Variants in CCDC178 observed in about 807,000 individuals in gnomAD.
The protein encoded by CCDC178 is coiled-coil domain containing 178.
A neutral mutation model predicts 117.4 loss-of-function variants in CCDC178; 126 were observed. That is an observed-to-expected ratio of 1.07 (90% CI 0.93 to 1.24). The LOEUF (loss-of-function observed/expected upper bound fraction) is 1.24, where lower values mean the gene tolerates loss of function less well. Ranked by LOEUF, CCDC178 falls within the 50% of genes most tolerant of loss-of-function variation. The probability of loss-of-function intolerance (pLI) is 0.00; values close to 1 mark genes in which losing one functional copy is unlikely to be tolerated. For missense variants in CCDC178, 1,030 were observed against 986.9 expected (o/e 1.04, Z -0.59); for synonymous variants, 283 against 313.4 (o/e 0.90, Z 1.02).
intron 20 of CCDC178, among the ~76,000 whole-genome samples, chr18:33,138,359 T>C (rs1218294746): frequency 5.9e-5 from 9 of 152,182 alleles, no homozygotes; most frequent in African/African-American, 1.9e-4. Flanking sequence ...CAGGTATTAC[T>C]ATTATAGCTT....
rs541642223 is a variant in CCDC178 at position 33,198,914 on chromosome 18, G to A, written c.2238+12982C>T. 2.0e-5 allele frequency among the ~76,000 whole-genome samples: 3 copies of A among 152,206 alleles called. No individual in the cohort carries two copies. The South Asian group carries it at 6.2e-4, about 32-fold the overall frequency. ...TCTGTCTCCTCTGTAAGGCTAATAT[G>A]CTTCTCAGAGTTAAGGGATGTGCTT... On this transcript the variant is annotated intron_variant, in intron 20 of 22. Transcript: ENST00000383096.
At chr18:33,225,454 A>G (rs2059291907) in intron 16 of CCDC178, among the ~76,000 whole-genome samples, 1 of 152,110 alleles carries the variant, frequency 6.6e-6, no homozygotes, top group Non-Finnish European at 1.5e-5. Context: ...GCCACCACAC[A>G]CTGCCGAATG....
chr18:33,360,372 G>T (rs2063109139), intron 6 of CCDC178, among the ~76,000 whole-genome samples: 1 of 151,192 alleles, frequency 6.6e-6, no homozygotes, highest in Admixed American at 6.6e-5. Context: ...CAGATGGACA[G>T]ATACCAATCG....
chr18:33,381,522 T>C (rs928285730), intron 5 of CCDC178, among the ~76,000 whole-genome samples: 37 of 152,258 alleles, frequency 2.4e-4, no homozygotes, highest in African/African-American at 7.7e-4. Flanking sequence ...CCCTATGCTA[T>C]AGACAGATAC....
intron 21 of CCDC178, among the ~76,000 whole-genome samples, chr18:33,070,874 A>C (rs1434547037): frequency 2.0e-5 from 3 of 152,142 alleles, no homozygotes; most frequent in Non-Finnish European, 4.4e-5. Context: ...AATTTAAATT[A>C]ATTTGATTAA....
At chr18:33,326,746 G>A (rs960362592) in intron 10 of CCDC178, among the ~76,000 whole-genome samples, 6 of 151,466 alleles carry the variant, frequency 4.0e-5, no homozygotes, top group African/African-American at 9.7e-5. Flanking sequence ...ATACCTTCTC[G>A]GTGGTTACAG....
chr18:33,139,231 C>T (rs993327770), intron 20 of CCDC178, among the ~76,000 whole-genome samples: 2 of 152,128 alleles, frequency 1.3e-5, no homozygotes, highest in African/African-American at 4.8e-5. Flanking sequence ...CTTTTGCTTC[C>T]CAGTCTCTAG....
rs770996236 is a variant in CCDC178, at chr18:33,245,360, T to G, written c.1478A>C (p.Lys493Thr). The stretch of plus-strand genomic sequence containing the variant: ...CTCCTTATAGATGTTCTTGAGATGT[T>G]TATCATTCTTTAACTTCATTATTGT... ...YLTIMKLKND[K>T]HLKNIYKEAY... The change falls in exon 15 of 23, where the codon AAA becomes ACA. Residue 493 changes from lysine to threonine, a missense_variant. By Grantham distance (78) the Lys-to-Thr change is moderately conservative. Transcript: ENST00000383096. The G allele has an allele frequency of 1.2e-5, 19 of 1,604,706 alleles. No homozygotes were observed. The highest frequency in any genetic ancestry group is 1.6e-5 in the Non-Finnish European group (19 of 1,176,274).
At chr18:32,979,217 C>A (rs527961802) in intron 21 of CCDC178, among the ~76,000 whole-genome samples, 1 of 151,614 alleles carries the variant, frequency 6.6e-6, no homozygotes, top group Non-Finnish European at 1.5e-5. Flanking sequence ...AGTGCAATGG[C>A]GCGATCTCAG....
intron 21 of CCDC178, among the ~76,000 whole-genome samples, chr18:33,051,947 A>G (rs1037007850): frequency 1.3e-5 from 2 of 152,202 alleles, no homozygotes; most frequent in Admixed American, 6.5e-5. Context: ...TTGATTTTGA[A>G]GGTGACAGAG....
In CCDC178 at chr18:33,127,728, C is replaced by T. The variant is rs1208636645; in HGVS notation, c.2239-34818G>A. ...GGATTACAGGTGTGAGCCACCACGC[C>T]CAGCCCTGATCAGTTGGTATTTTTA... On this transcript the variant is annotated intron_variant, in intron 20 of 22. Coordinates refer to ENST00000383096, the MANE Select transcript of CCDC178 (RefSeq NM_001105528.4). Among the ~76,000 whole-genome samples, 7 of 152,226 alleles carry T rather than the reference C, an allele frequency of 4.6e-5. No individual in the cohort carries two copies. The East Asian group carries it at 1.4e-3, about 29-fold the overall frequency.
chr18:33,000,100 C>G (rs958961823), intron 21 of CCDC178, among the ~76,000 whole-genome samples: 1 of 151,282 alleles, frequency 6.6e-6, no homozygotes, highest in Non-Finnish European at 1.5e-5. Context: ...AAAATACCAT[C>G]GAGAAAGAAT....
intron 20 of CCDC178, among the ~76,000 whole-genome samples, chr18:33,108,341 T>C (rs1277989075): frequency 6.6e-6 from 1 of 151,662 alleles, no homozygotes; most frequent in Non-Finnish European, 1.5e-5. Flanking sequence ...TTTTAAAAAA[T>C]TATGTTTTGC....
rs968570044 is a variant in CCDC178 at position 32,937,818 on chromosome 18, T to A, written c.*193A>T. On this transcript the variant is annotated 3_prime_UTR_variant, in exon 23 of 23. Transcript: ENST00000383096. ...AATTAGATCGTTCCTGACAGCAGCA[T>A]GAAAGTCACCTGTTTCATTGTTATG... is the stretch of plus-strand genomic sequence containing the variant. 3 of 556,340 alleles carry A rather than the reference T, an allele frequency of 5.4e-6. No individual in the cohort carries two copies. Among genetic ancestry groups the A allele is most frequent in the African/African-American group, 3.8e-5 (2 of 52,742 alleles). 34.5% of individuals were successfully genotyped at this position (556,340 alleles called of 1,614,324 possible). A position where few individuals can be genotyped will look rare whatever the true frequency, so the allele number is the denominator to read the frequency against.
intron 12 of CCDC178, among the ~76,000 whole-genome samples, chr18:33,278,117 T>C (rs577704252): frequency 9.9e-5 from 15 of 152,024 alleles, no homozygotes; most frequent in African/African-American, 3.4e-4. Flanking sequence ...CTAAATCAAG[T>C]ACAGATGAAA....
intron 11 of CCDC178, among the ~76,000 whole-genome samples, chr18:33,322,526 T>G (rs1225384131): frequency 6.6e-6 from 1 of 151,706 alleles, no homozygotes; most frequent in Non-Finnish European, 1.5e-5. Context: ...CTATATAAAT[T>G]TTTCTCACGG....
chr18:33,209,744 G>C (rs905158409), intron 20 of CCDC178, among the ~76,000 whole-genome samples: 12 of 145,730 alleles, frequency 8.2e-5, no homozygotes, highest in African/African-American at 3.3e-4. Context: ...TAAGGTGAAT[G>C]CACAACAAGA....
At chr18:33,265,316 G>C (rs2059799275) in intron 14 of CCDC178, among the ~76,000 whole-genome samples, 1 of 152,008 alleles carries the variant, frequency 6.6e-6, no homozygotes, top group African/African-American at 2.4e-5. Context: ...GTCATGATCT[G>C]ACCTCATGGA....
intron 2 of CCDC178, among the ~76,000 whole-genome samples, chr18:33,415,095 T>C (rs1421063068): frequency 1.3e-5 from 2 of 152,212 alleles, no homozygotes; most frequent in African/African-American, 4.8e-5. Flanking sequence ...ACTTTTACAC[T>C]GTTGGTGGGA....
Sources: gnomAD v4.1 joint callset for allele counts (sites outside exome capture counted in the v4.1 genomes callset) on GRCh38, gnomAD v4.1.1 for gene constraint, MANE v1.5 for transcripts, NCBI Gene and HGNC (gene_info 2026-07-23, HGNC 2026-07-21) for gene names.